Variants in ZNF385D observed in about 807,000 individuals in gnomAD.
ZNF385D encodes zinc finger protein 385D, also known as zinc finger protein 659.
Under a neutral mutation model 35.8 loss-of-function variants are expected in ZNF385D, and 15 were observed. The ratio of observed to expected loss-of-function variants is 0.42; its 90% CI spans 0.28 to 0.64. The LOEUF (loss-of-function observed/expected upper bound fraction) is 0.64, where lower values mean the gene tolerates loss of function less well. Among genes scored for constraint, ZNF385D ranks in the 30% least tolerant of loss-of-function variants. The probability of loss-of-function intolerance (pLI) is 0.23; values close to 1 mark genes in which losing one functional copy is unlikely to be tolerated. For missense variants in ZNF385D, 474 were observed against 494.6 expected (o/e 0.96, Z 0.39); for synonymous variants, 212 against 186.8 (o/e 1.13, Z -1.10).
chr3:21,471,232 A>G (rs1043961879), intron 4 of ZNF385D, among the ~76,000 whole-genome samples: 2 of 150,506 alleles, frequency 1.3e-5, no homozygotes, highest in African/African-American at 2.4e-5. Context: ...TCACTGAACC[A>G]TATTTCCCTC....
intron 3 of ZNF385D, among the ~76,000 whole-genome samples, chr3:22,110,653 G>A (rs1344975188): frequency 6.6e-6 from 1 of 151,880 alleles, no homozygotes; most frequent in East Asian, 1.9e-4. Flanking sequence ...TGGGGGGAGT[G>A]GGGAGGGACA....
At position 22,061,611 on chromosome 3, in the gene ZNF385D, C is replaced by T. The variant is rs575212129; in HGVS notation, c.325+107206G>A. Among the ~76,000 whole-genome samples, 5 of 152,306 alleles carry T rather than the reference C, an allele frequency of 3.3e-5. No homozygotes were observed. In the East Asian group the frequency reaches 9.6e-4, roughly 29 times the overall value. ...TGATCCTCAATTACATGTCCAGCCCCATTTCTTGTCACTCTCTTTCAACAG... is the reference window on the plus strand; with the variant it reads ...TGATCCTCAATTACATGTCCAGCCCTATTTCTTGTCACTCTCTTTCAACAG... On this transcript the variant is annotated intron_variant, in intron 3 of 5. Transcript: ENST00000494108.
intron 3 of ZNF385D, among the ~76,000 whole-genome samples, chr3:21,814,411 C>A (rs1216221975): frequency 6.6e-6 from 1 of 151,130 alleles, no homozygotes; most frequent in Non-Finnish European, 1.5e-5. Flanking sequence ...TGGTCAAGAC[C>A]CATCAGTGTG....
intron 2 of ZNF385D, among the ~76,000 whole-genome samples, chr3:21,640,833 C>T (rs896886203): frequency 1.3e-5 from 2 of 152,074 alleles, no homozygotes; most frequent in African/African-American, 4.8e-5. Context: ...GGTGAAAGTA[C>T]CTCTAGCGAC....
intron 2 of ZNF385D, among the ~76,000 whole-genome samples, chr3:21,634,210 GAA>G (rs569432542): frequency 6.7e-6 from 1 of 149,932 alleles, no homozygotes; most frequent in Non-Finnish European, 1.5e-5. Flanking sequence ...AAAATAGAAA[GAA>G]AGAGAGAAAG....
At chr3:21,445,645 A>G (rs142757821) in intron 4 of ZNF385D, among the ~76,000 whole-genome samples, 1,698 of 152,254 alleles carry the variant, frequency 0.011, 85 homozygotes, top group Admixed American at 0.085. Flanking sequence ...TATATTCTCT[A>G]CTCATTTAGT....
chr3:22,296,342 T>C (rs951285666), intron 2 of ZNF385D, among the ~76,000 whole-genome samples: 2 of 152,160 alleles, frequency 1.3e-5, no homozygotes, highest in African/African-American at 2.4e-5. Flanking sequence ...ATAAATGAAC[T>C]AGTGTCACTT....
At chr3:21,636,534 G>T (rs1000407130) in intron 2 of ZNF385D, among the ~76,000 whole-genome samples, 1 of 151,198 alleles carries the variant, frequency 6.6e-6, no homozygotes, top group Non-Finnish European at 1.5e-5. Context: ...GGAGTCTGAC[G>T]TTCAAGGGCA....
At chr3:22,017,538 T>C (rs1444280791) in intron 3 of ZNF385D, among the ~76,000 whole-genome samples, 2 of 152,040 alleles carry the variant, frequency 1.3e-5, no homozygotes, top group African/African-American at 4.8e-5. Flanking sequence ...TGAGTTAGAT[T>C]TATGTCTACC....
rs370918065 is a variant in ZNF385D at position 22,182,320 on chromosome 3, T to C, written c.107-13285A>G. Among the ~76,000 whole-genome samples the C allele has an allele frequency of 1.8e-3, 276 of 152,302 alleles. 1 individual carries two copies. The highest frequency in any genetic ancestry group is 0.01 in the Middle Eastern group (3 of 294). The stretch of plus-strand genomic sequence containing the variant: ...ACCACCTAACCAAAACCATGTTTTT[T>C]AGTTAAATGAATTAAATATCCCAGC... On this transcript the variant is annotated intron_variant, in intron 2 of 5. Transcript: ENST00000494108.
At chr3:21,973,403 T>G (rs2125346872) in intron 3 of ZNF385D, among the ~76,000 whole-genome samples, 1 of 152,036 alleles carries the variant, frequency 6.6e-6, no homozygotes, top group East Asian at 1.9e-4. Flanking sequence ...AACCTGGATA[T>G]GAAAGGAACA....
At chr3:22,088,214 G>A (rs1456785332) in intron 3 of ZNF385D, among the ~76,000 whole-genome samples, 1 of 152,140 alleles carries the variant, frequency 6.6e-6, no homozygotes, top group African/African-American at 2.4e-5. Context: ...TGTTAACATG[G>A]GCACGATGAG....
At chr3:22,290,524 CTGTT>C (rs1702247463) in intron 2 of ZNF385D, among the ~76,000 whole-genome samples, 1 of 152,158 alleles carries the variant, frequency 6.6e-6, no homozygotes, top group African/African-American at 2.4e-5. Context: ...GCAAGGTAAA[CTGTT>C]TGGCACTCAT....
chr3:21,644,857 T>C lies in ZNF385D; in HGVS notation c.165+20029A>G, dbSNP rs546982447. Among the ~76,000 whole-genome samples the C allele has an allele frequency of 5.3e-5, 8 of 152,264 alleles. No homozygotes were observed. The South Asian group carries it at 1.4e-3, about 28-fold the overall frequency. ...TTGTGTAAAAGTGACTGCAACAACT[T>C]TTTTAAAATAAAAATTGTGTTCCAA... On this transcript the variant is annotated intron_variant, in intron 2 of 7. Transcript: ENST00000281523.
intron 2 of ZNF385D, among the ~76,000 whole-genome samples, chr3:22,246,222 C>A (rs1423494748): frequency 6.6e-6 from 1 of 152,144 alleles, no homozygotes; most frequent in Non-Finnish European, 1.5e-5. Flanking sequence ...TCCAGAATAT[C>A]TCTTAAGTAG....
intron 4 of ZNF385D, among the ~76,000 whole-genome samples, chr3:21,493,411 GATGCCAT>G (rs1262015810): frequency 6.6e-6 from 1 of 152,064 alleles, no homozygotes; most frequent in African/African-American, 2.4e-5. Context: ...TATTTTAGAT[GATGCCAT>G]ATTGAAATGT....
intron 3 of ZNF385D, among the ~76,000 whole-genome samples, chr3:22,004,311 A>C (rs1358378409): frequency 1.3e-5 from 2 of 152,210 alleles, no homozygotes; most frequent in Non-Finnish European, 2.9e-5. Context: ...TAAATATAAG[A>C]CTCAATACTA....
At chr3:22,342,014 G>T (rs1425869770) in intron 2 of ZNF385D, among the ~76,000 whole-genome samples, 1 of 151,924 alleles carries the variant, frequency 6.6e-6, no homozygotes, top group Non-Finnish European at 1.5e-5. Context: ...GGTGGCTCAC[G>T]TCTGTAATCC....
chr3:21,811,374 G>A (rs1318334128), intron 3 of ZNF385D, among the ~76,000 whole-genome samples: 1 of 152,026 alleles, frequency 6.6e-6, no homozygotes, highest in African/African-American at 2.4e-5. Context: ...CCAGAATATA[G>A]GAAGCAAGAA....
Sources: allele counts gnomAD v4.1 joint callset (sites outside exome capture counted in the v4.1 genomes callset), GRCh38; gene constraint gnomAD v4.1.1; transcripts MANE v1.5; gene names NCBI Gene and HGNC (gene_info 2026-07-23, HGNC 2026-07-21).